Variants in PTPRE observed in about 807,000 individuals in gnomAD.
PTPRE encodes receptor-type tyrosine-protein phosphatase epsilon.
In PTPRE, 51 loss-of-function variants were observed where a neutral mutation model predicts 102.0. The observed-to-expected ratio is 0.50, with a 90% CI of 0.40 to 0.63. The LOEUF is 0.63. Among genes scored for constraint, PTPRE ranks in the 30% least tolerant of loss-of-function variants. The pLI, the probability that PTPRE is intolerant of heterozygous loss-of-function variation, is 0.00. For missense variants in PTPRE, 752 were observed against 915.1 expected (o/e 0.82, Z 2.30); for synonymous variants, 345 against 348.2 (o/e 0.99, Z 0.10).
At position 127,942,083 on chromosome 10, in the gene PTPRE, C is replaced by T. The variant is rs556014034; in HGVS notation, c.-31+34774C>T. On this transcript the variant is annotated intron_variant, in intron 1 of 20. Coordinates refer to ENST00000254667, the MANE Select transcript of PTPRE (RefSeq NM_006504.6). Reference sequence around the variant, plus strand: ...AGCCTCCCCTGAAATGCAGGGCAAGCCTCCTATAGTCCAGTCAAGAGCATT... The same window carrying T: ...AGCCTCCCCTGAAATGCAGGGCAAGTCTCCTATAGTCCAGTCAAGAGCATT... Among the ~76,000 whole-genome samples, 87 of 152,240 alleles carry T rather than the reference C, an allele frequency of 5.7e-4. 1 individual carries two copies. Among genetic ancestry groups the T allele is most frequent in the African/African-American group, 2.1e-3 (86 of 41,552 alleles).
chr10:127,987,018 T>A (rs1852148715), intron 2 of PTPRE, among the ~76,000 whole-genome samples: 1 of 152,248 alleles, frequency 6.6e-6, no homozygotes, highest in African/African-American at 2.4e-5. Flanking sequence ...TCCTGGTGAC[T>A]GAATTAGAAG....
At chr10:128,056,637 C>T (rs1848989686) in intron 7 of PTPRE, among the ~76,000 whole-genome samples, 2 of 152,218 alleles carry the variant, frequency 1.3e-5, no homozygotes, top group Admixed American at 6.5e-5. Flanking sequence ...CTAGAGTTGT[C>T]TGGGGTCCTG....
chr10:128,002,254 G>A (rs776630396), intron 2 of PTPRE, among the ~76,000 whole-genome samples: 3 of 152,222 alleles, frequency 2.0e-5, no homozygotes, highest in Non-Finnish European at 2.9e-5. Flanking sequence ...GTTTATTTCT[G>A]CTGTGACCTC....
intron 1 of PTPRE, chr10:127,936,190 G>A (rs1420819572): frequency 1.3e-5 from 2 of 152,204 alleles, no homozygotes; most frequent in East Asian, 1.9e-4. Flanking sequence ...ATGTCATCTT[G>A]TAAAGGGGGA....
At chr10:128,042,759 A>G (rs1217214555) in intron 3 of PTPRE, among the ~76,000 whole-genome samples, 1 of 152,230 alleles carries the variant, frequency 6.6e-6, no homozygotes, top group Non-Finnish European at 1.5e-5. Context: ...AAATATATTC[A>G]GTACTCATGC....
rs559961003 is a variant in PTPRE at position 128,077,685 on chromosome 10, C to T, written c.1794C>T (p.Ile598=). ...TTCACTTCCACGGCTGGCCTGAGAT[C>T]GGGATTCCCGCCGAGGGCAAAGGCA... The part of the protein sequence containing the change: ...RQFHFHGWPE[I]GIPAEGKGMI... Residue 598 remains isoleucine (I), a synonymous_variant, in exon 19 of 21, where the codon ATC becomes ATT. Transcript: ENST00000254667. The T allele has an allele frequency of 1.4e-5, 23 of 1,613,756 alleles. No individual in the cohort carries two copies. The highest frequency in any genetic ancestry group is 5.0e-5 in the Admixed American group (3 of 60,006).
At chr10:128,016,135 G>T (rs1345855963) in intron 2 of PTPRE, among the ~76,000 whole-genome samples, 1 of 152,156 alleles carries the variant, frequency 6.6e-6, no homozygotes, top group East Asian at 1.9e-4. Context: ...TCCTCCAGGG[G>T]ACCAGGGCAT....
At chr10:127,937,041 A>G (rs1205440141) in intron 1 of PTPRE, among the ~76,000 whole-genome samples, 1 of 152,152 alleles carries the variant, frequency 6.6e-6, no homozygotes, top group African/African-American at 2.4e-5. Context: ...TTCTCGCTCC[A>G]TAGGCAGTTC....
intron 1 of PTPRE, among the ~76,000 whole-genome samples, chr10:127,911,614 T>C (rs922309528): frequency 1.3e-5 from 2 of 152,210 alleles, no homozygotes; most frequent in Admixed American, 1.3e-4. Flanking sequence ...TCACAGCTGC[T>C]GCACTTCCGC....
intron 1 of PTPRE, among the ~76,000 whole-genome samples, chr10:127,941,708 T>G (rs1183011081): frequency 2.6e-5 from 4 of 152,364 alleles, no homozygotes; most frequent in African/African-American, 9.6e-5. Flanking sequence ...CTTGGTTTTT[T>G]ATTTACTTCC....
At chr10:128,049,799 C>A in intron 6 of PTPRE, 133 bp downstream of exon 6, 1 of 1,290,596 alleles carries the variant, frequency 7.7e-7, no homozygotes, top group Non-Finnish European at 1.1e-6. Flanking sequence ...CATGAATGGG[C>A]GTGTGAGGAA....
At chr10:127,983,940 A>G (rs1851853752) in intron 2 of PTPRE, among the ~76,000 whole-genome samples, 1 of 152,094 alleles carries the variant, frequency 6.6e-6, no homozygotes, top group African/African-American at 2.4e-5. Context: ...GCCCCACCCG[A>G]AGGTCACTGA....
chr10:127,920,401 G>T (rs561198261), intron 1 of PTPRE, among the ~76,000 whole-genome samples: 1 of 152,298 alleles, frequency 6.6e-6, no homozygotes, highest in South Asian at 2.1e-4. Flanking sequence ...CCAGTTCCCA[G>T]ATTGCTGGTG....
At position 127,987,728 on chromosome 10, in the gene PTPRE, A is replaced by T. The variant is rs1356065284; in HGVS notation, c.-8+5432A>T. On this transcript the variant is annotated intron_variant, in intron 2 of 20. Coordinates refer to ENST00000254667, the MANE Select transcript of PTPRE (RefSeq NM_006504.6). ...CACCTTTTTAGAAAAACAGTCCCTA[A>T]CAATTGCTGGGGACATAGGCCGGCT... Among the ~76,000 whole-genome samples the T allele has an allele frequency of 2.0e-5, 3 of 152,210 alleles. No homozygotes were observed. The East Asian group carries it at 5.8e-4, about 29-fold the overall frequency.
chr10:128,027,524 G>C (rs936631262), intron 2 of PTPRE, among the ~76,000 whole-genome samples: 3 of 152,146 alleles, frequency 2.0e-5, no homozygotes, highest in Admixed American at 6.5e-5. Flanking sequence ...TTCTGCTCTC[G>C]GGTTTATCAG....
chr10:127,932,747 G>A (rs1847537985), intron 1 of PTPRE, among the ~76,000 whole-genome samples: 1 of 152,230 alleles, frequency 6.6e-6, no homozygotes, highest in South Asian at 2.1e-4. Context: ...GGCCTGGCCT[G>A]GCCCAGCTGG....
At chr10:128,065,415 C>G (rs1012944012) in intron 10 of PTPRE, among the ~76,000 whole-genome samples, 1 of 152,122 alleles carries the variant, frequency 6.6e-6, no homozygotes, top group South Asian at 2.1e-4. Context: ...GTGCTGCGGG[C>G]GGTGCTGCAA....
At chr10:127,984,601 C>G (rs764178467) in intron 2 of PTPRE, among the ~76,000 whole-genome samples, 1 of 152,220 alleles carries the variant, frequency 6.6e-6, no homozygotes, top group Non-Finnish European at 1.5e-5. Context: ...CAAATCTCAT[C>G]TTGAATTGTA....
intron 1 of PTPRE, among the ~76,000 whole-genome samples, chr10:127,947,976 A>G (rs1417795242): frequency 6.6e-6 from 1 of 152,142 alleles, no homozygotes; most frequent in African/African-American, 2.4e-5. Context: ...GGGACGTGAG[A>G]TGGGAAAGGC....
Sources: allele counts gnomAD v4.1 joint callset (sites outside exome capture counted in the v4.1 genomes callset), GRCh38; gene constraint gnomAD v4.1.1; transcripts MANE v1.5; gene names NCBI Gene and HGNC (gene_info 2026-07-23, HGNC 2026-07-21).